Variants in NAV2 observed in about 807,000 individuals in gnomAD.
NAV2 encodes the protein neuron navigator 2.
NAV2 carries 54 observed loss-of-function variants against 223.2 expected under a neutral mutation model. That is an observed-to-expected ratio of 0.24 (90% CI 0.19 to 0.30). NAV2 has a LOEUF of 0.30. NAV2 is among the 10% of genes least tolerant of loss of function. The pLI is 1.00. For synonymous variants in NAV2, 1,279 were observed against 1,239.3 expected, an observed-to-expected ratio of 1.03 and a Z score of -0.67; for missense variants, 2,806 against 3,147.5, an observed-to-expected ratio of 0.89 and a Z score of 2.60.
At chr11:19,395,464 C>A (rs1162240507) in intron 1 of NAV2, among the ~76,000 whole-genome samples, 2 of 152,208 alleles carry the variant, frequency 1.3e-5, no homozygotes, top group African/African-American at 4.8e-5. Flanking sequence ...ATGGTTGAGG[C>A]CACCATTGTA....
chr11:20,014,980 C>CA (rs2053883852), intron 11 of NAV2, among the ~76,000 whole-genome samples: 1 of 152,096 alleles, frequency 6.6e-6, no homozygotes, highest in Non-Finnish European at 1.5e-5. Flanking sequence ...CCAGTAGTCC[C>CA]AGCTACTGGG....
intron 1 of NAV2, among the ~76,000 whole-genome samples, chr11:19,609,433 GGAGA>G (rs1181213052): frequency 6.6e-6 from 1 of 152,132 alleles, no homozygotes; most frequent in Non-Finnish European, 1.5e-5. Context: ...TCTGCAGAGG[GGAGA>G]GAGAGAGGTA....
At chr11:19,854,923 G>A (rs940430630) in intron 3 of NAV2, among the ~76,000 whole-genome samples, 3 of 152,162 alleles carry the variant, frequency 2.0e-5, no homozygotes, top group Non-Finnish European at 4.4e-5. Context: ...GACCAGGCAA[G>A]GTGGTCATGT....
At position 19,890,932 on chromosome 11, in the gene NAV2, C is replaced by T. The variant is rs538729396; in HGVS notation, c.771-1502C>T. On this transcript the variant is annotated intron_variant, in intron 5 of 37. Transcript: ENST00000349880. ...AACCAAGGTACAAATCCTCGCAGCA[C>T]AGTGGGAAGTAATTCTCACTGCAAC... is the stretch of plus-strand genomic sequence containing the variant. 2.6e-5 allele frequency among the ~76,000 whole-genome samples: 4 copies of T among 152,320 alleles called. No homozygotes were observed. The South Asian group carries it at 8.3e-4, about 32-fold the overall frequency.
intron 1 of NAV2, among the ~76,000 whole-genome samples, chr11:19,541,281 A>G (rs1008431936): frequency 1.3e-5 from 2 of 152,232 alleles, no homozygotes; most frequent in African/African-American, 4.8e-5. Flanking sequence ...TCCGGCATCT[A>G]CTATCCCACC....
At chr11:19,375,269 G>T (rs1408522717) in intron 1 of NAV2, among the ~76,000 whole-genome samples, 1 of 152,174 alleles carries the variant, frequency 6.6e-6, no homozygotes, top group African/African-American at 2.4e-5. Context: ...GGTTATGGTG[G>T]AAGACCTCTG....
intron 20 of NAV2, among the ~76,000 whole-genome samples, chr11:20,065,990 C>T (rs1661758599): frequency 6.6e-6 from 1 of 152,208 alleles, no homozygotes; most frequent in Non-Finnish European, 1.5e-5. Context: ...TGCCACTTAC[C>T]AGCTGTGACC....
intron 1 of NAV2, among the ~76,000 whole-genome samples, chr11:19,775,889 G>A (rs2056112857): frequency 6.6e-6 from 1 of 152,224 alleles, no homozygotes. Context: ...CAGAGGGTGG[G>A]AGACCAGGTT....
At chr11:19,354,349 G>A (rs1853493751) in intron 1 of NAV2, among the ~76,000 whole-genome samples, 1 of 152,230 alleles carries the variant, frequency 6.6e-6, no homozygotes, top group South Asian at 2.1e-4. Context: ...CACTTGAAAT[G>A]TTACTAGTGT....
At chr11:19,415,831 C>G (rs1004719541) in intron 1 of NAV2, among the ~76,000 whole-genome samples, 2 of 152,122 alleles carry the variant, frequency 1.3e-5, no homozygotes, top group Admixed American at 1.3e-4. Flanking sequence ...TAAACAGAAC[C>G]AATGACAAAA....
chr11:19,793,687 C>G (rs1590575448), intron 1 of NAV2, among the ~76,000 whole-genome samples: 2 of 144,148 alleles, frequency 1.4e-5, no homozygotes, highest in South Asian at 4.9e-4. Context: ...TGTGTCGTGC[C>G]CTGTTTTAAC....
intron 26 of NAV2, among the ~76,000 whole-genome samples, chr11:20,085,900 G>A (rs1203847029): frequency 6.6e-6 from 1 of 152,210 alleles, no homozygotes; most frequent in Non-Finnish European, 1.5e-5. Context: ...ACCACCTGCA[G>A]CAGAAGAAGT....
At chr11:19,636,257 C>A (rs2047496610) in intron 1 of NAV2, among the ~76,000 whole-genome samples, 2 of 152,174 alleles carry the variant, frequency 1.3e-5, no homozygotes. Context: ...GAAGCAATGA[C>A]TTGCCCCTGA....
chr11:19,992,179 C>T (rs1038574371), intron 11 of NAV2, among the ~76,000 whole-genome samples: 1 of 152,188 alleles, frequency 6.6e-6, no homozygotes, highest in African/African-American at 2.4e-5. Context: ...ATAAAAGGAG[C>T]CTTAGAGGCA....
Position 19,954,096 on chromosome 11 carries a change from C to G in NAV2, c.2645+5016C>G, listed in dbSNP as rs535401955. On this transcript the variant is annotated intron_variant, in intron 10 of 37. Coordinates refer to ENST00000349880, the MANE Select transcript of NAV2 (RefSeq NM_145117.5). ...AACACTTGGAGAAAGCCAGCTTAGCCTGTGGTGTCCATCTAGTGGTTGATA... is the reference window on the plus strand; with the variant it reads ...AACACTTGGAGAAAGCCAGCTTAGCGTGTGGTGTCCATCTAGTGGTTGATA... Among the ~76,000 whole-genome samples the G allele has an allele frequency of 7.8e-4, 119 of 152,298 alleles. 1 individual carries two copies. Among genetic ancestry groups the G allele is most frequent in the African/African-American group, 2.8e-3 (116 of 41,562 alleles).
chr11:19,670,845 C>A (rs2048556859), intron 1 of NAV2, among the ~76,000 whole-genome samples: 1 of 152,184 alleles, frequency 6.6e-6, no homozygotes, highest in South Asian at 2.1e-4. Flanking sequence ...ATAATGACAC[C>A]CTGTCTTCCC....
intron 1 of NAV2, among the ~76,000 whole-genome samples, chr11:19,670,887 A>T (rs2135804034): frequency 6.6e-6 from 1 of 152,354 alleles, no homozygotes; most frequent in Non-Finnish European, 1.5e-5. Context: ...CTGCAGCCAC[A>T]ATCTAGTTCA....
chr11:19,359,664 A>C (rs138139333), intron 1 of NAV2, among the ~76,000 whole-genome samples: 54 of 152,354 alleles, frequency 3.5e-4, no homozygotes, highest in African/African-American at 1.3e-3. Context: ...ATGCTTACCC[A>C]GAAGAGAAGG....
chr11:19,682,769 A>G (rs2048913882), intron 1 of NAV2, among the ~76,000 whole-genome samples: 1 of 152,166 alleles, frequency 6.6e-6, no homozygotes. Context: ...GAGTGAGAAC[A>G]CACTATCAGG....
Sources: allele counts gnomAD v4.1 joint callset (sites outside exome capture counted in the v4.1 genomes callset), GRCh38; gene constraint gnomAD v4.1.1; transcripts MANE v1.5; gene names NCBI Gene and HGNC (gene_info 2026-07-23, HGNC 2026-07-21).